ADAMTS14: variants seen among roughly 807,000 people sequenced by gnomAD.
ADAMTS14 encodes ADAM metallopeptidase with thrombospondin type 1 motif 14.
Under a neutral mutation model 128.6 loss-of-function variants are expected in ADAMTS14, and 100 were observed. The ratio of observed to expected loss-of-function variants is 0.78; its 90% CI spans 0.66 to 0.92. The LOEUF is 0.92. ADAMTS14 is among the 40% of genes least tolerant of loss of function. The probability of loss-of-function intolerance (pLI) is 0.00; values close to 1 mark genes in which losing one functional copy is unlikely to be tolerated. For missense variants in ADAMTS14, 1,562 were observed against 1,658.6 expected (o/e 0.94, Z 1.01); for synonymous variants, 665 against 653.8 (o/e 1.02, Z -0.26).
At chr10:70,687,749 T>C (rs1214109664) in intron 2 of ADAMTS14, among the ~76,000 whole-genome samples, 5 of 8,666 alleles carry the variant, frequency 5.8e-4, no homozygotes, top group Non-Finnish European at 8.3e-4. Flanking sequence ...GACCCCCCCA[T>C]CTCCCTCCCG....
In ADAMTS14 at chr10:70,760,727, C is replaced by T. The variant is rs748305950; in HGVS notation, c.3546C>T (p.Thr1182=). The change falls in exon 22 of 22, where the codon ACC becomes ACT. Residue 1182 remains threonine, a synonymous_variant. Coordinates refer to ENST00000373207, the MANE Select transcript of ADAMTS14 (RefSeq NM_080722.4). ...IPGASWSISP[T]TPGGLPWGWT... is the part of the protein sequence containing the mutation. ...GAGCATCCTGGAGCATCTCCCCTAC[C>T]ACCCCCGGGGGGCTGCCTTGGGGCT... is the stretch of plus-strand genomic sequence containing the variant. 4 of 1,613,954 alleles carry T rather than the reference C, an allele frequency of 2.5e-6. No homozygotes were observed. In the African/African-American group the frequency reaches 5.3e-5, roughly 22 times the overall value.
intron 11 of ADAMTS14, among the ~76,000 whole-genome samples, chr10:70,740,329 C>T (rs1200426077): frequency 6.6e-6 from 1 of 152,222 alleles, no homozygotes. Context: ...ACCCAATCCT[C>T]TTGACTTAAT....
chr10:70,720,842 G>A (rs1841234301), intron 4 of ADAMTS14, among the ~76,000 whole-genome samples: 1 of 152,068 alleles, frequency 6.6e-6, no homozygotes, highest in African/African-American at 2.4e-5. Flanking sequence ...AATTAGATGT[G>A]TGCACACAGA....
At position 70,743,650 on chromosome 10, in the gene ADAMTS14, C is replaced by T; in HGVS notation, c.2027C>T (p.Pro676Leu). The T allele has an allele frequency of 6.2e-7, 1 of 1,608,548 alleles. No individual in the cohort carries two copies. Among genetic ancestry groups the T allele is most frequent in the Non-Finnish European group, 8.5e-7 (1 of 1,177,646 alleles). The stretch of plus-strand genomic sequence containing the variant: ...GGGACACGCTGCAGCTACCGGGACC[C>T]ATACAGCGTCTGTGCGCGTGGCGAG... Reference protein sequence around the residue: ...HDGTRCSYRDPYSVCARGECV... With the variant: ...HDGTRCSYRDLYSVCARGECV... The change falls in exon 13 of 22, where the codon CCA (proline) becomes CTA (leucine). Residue 676 changes from proline (P) to leucine (L), a missense_variant. Transcript: ENST00000373207.
At chr10:70,679,470 C>A (rs969237508) in intron 2 of ADAMTS14, among the ~76,000 whole-genome samples, 1 of 152,162 alleles carries the variant, frequency 6.6e-6, no homozygotes, top group Non-Finnish European at 1.5e-5. Context: ...GGGATCAGTT[C>A]TTTGCGGATC....
intron 12 of ADAMTS14, among the ~76,000 whole-genome samples, chr10:70,741,418 G>T (rs1726545961): frequency 6.6e-6 from 1 of 152,248 alleles, no homozygotes; most frequent in Non-Finnish European, 1.5e-5. Context: ...TCTGGCAGAT[G>T]CAAGGAAAGT....
chr10:70,747,509 A>G (rs540157620), intron 15 of ADAMTS14, among the ~76,000 whole-genome samples: 6 of 152,216 alleles, frequency 3.9e-5, no homozygotes, highest in Non-Finnish European at 8.8e-5. Context: ...GAGAAGGGAC[A>G]TCTATTCCAA....
At chr10:70,759,129 T>TTTTTTTTTTTTTTTTTTTTTTTTTGGG (rs1485675752) in intron 21 of ADAMTS14, among the ~76,000 whole-genome samples, 1 of 112,610 alleles carries the variant, frequency 8.9e-6, no homozygotes, top group Admixed American at 1.0e-4. Context: ...TCCAATCTTC[T>TTTTTTTTTTTTTTTTTTTTTTTTTGGG]ACTTCTCTGC....
At chr10:70,753,207 C>G (rs757284992) in intron 18 of ADAMTS14, among the ~76,000 whole-genome samples, 1 of 152,198 alleles carries the variant, frequency 6.6e-6, no homozygotes, top group Non-Finnish European at 1.5e-5. Context: ...AGAGCAGTTT[C>G]GTTTCCTCTA....
At position 70,738,891 on chromosome 10, in the gene ADAMTS14, G is replaced by T; in HGVS notation, c.1649G>T (p.Gly550Val). 6.2e-7 allele frequency: 1 copy of T among 1,614,140 alleles called. No homozygotes were observed. Residue 550 changes from glycine (G) to valine (V), a missense_variant, in exon 11 of 22, where the codon GGC (glycine) becomes GTC (valine). Physicochemically the swap from Gly to Val is moderately radical, Grantham distance 109. Transcript: ENST00000373207. The stretch of plus-strand genomic sequence containing the variant: ...TGGAAGTCGCCGGAGCAGACATATG[G>T]CCAGGATGGAGGCTGGAGCTCCTGG... ...CIWKSPEQTY[G>V]QDGGWSSWTK...
Position 70,730,091 on chromosome 10 carries a change from G to A in ADAMTS14, c.955-11G>A, listed in dbSNP as rs200135496. 97 of 1,584,186 alleles carry A rather than the reference G, an allele frequency of 6.1e-5. No individual in the cohort carries two copies. Among genetic ancestry groups the A allele is most frequent in the Middle Eastern group, 4.2e-4 (2 of 4,780 alleles). On this transcript the variant is annotated splice_polypyrimidine_tract_variant and intron_variant, in intron 5 of 21. Transcript: ENST00000373207. The stretch of plus-strand genomic sequence containing the variant: ...TCCACGTGGCTGTTGGTGCTCTCCC[G>A]GCCCCTGCAGTCCCTGAGCCTGATC...
rs907533546 is a variant in ADAMTS14, at chr10:70,752,377, G to C, written c.2729+150G>C. ...AACTTTCAGTGCTTCTGGGCTCCAG[G>C]CCCAGGCCAGGATGCTGACCTCTAC... On this transcript the variant is annotated intron_variant, in intron 18 of 21. Coordinates refer to ENST00000373207, the MANE Select transcript of ADAMTS14 (RefSeq NM_080722.4). 4.9e-6 allele frequency: 6 copies of C among 1,231,560 alleles called. No individual in the cohort carries two copies. The African/African-American group carries it at 9.2e-5, about 19-fold the overall frequency. The allele number at this position is 1,231,560 out of a possible 1,614,324, so 76.3% of individuals were successfully genotyped here.
chr10:70,725,583 G>A (rs927575790), intron 4 of ADAMTS14, among the ~76,000 whole-genome samples: 5 of 152,200 alleles, frequency 3.3e-5, no homozygotes, highest in Non-Finnish European at 5.9e-5. Context: ...GGTAGAAGGA[G>A]TGAGGGGGTC....
Position 70,760,290 on chromosome 10 carries a change from GA to G in ADAMTS14, c.3179-69del, listed in dbSNP as rs376114378. On this transcript the variant is annotated intron_variant, in intron 21 of 21. Coordinates refer to ENST00000373207, the MANE Select transcript of ADAMTS14 (RefSeq NM_080722.4). ...GGGCGGGCAGTCAGTGGGTAAGTGGGAGGGGGGGCCACCTGACTGACAGGCA... is the reference window on the plus strand; with the variant it reads ...GGGCGGGCAGTCAGTGGGTAAGTGGGGGGGGGGCCACCTGACTGACAGGCA... The G allele has an allele frequency of 2.0e-4, 303 of 1,499,812 alleles. No individual in the cohort carries two copies. The African/African-American group carries it at 3.1e-3, about 15-fold the overall frequency. 92.9% of individuals were successfully genotyped at this position (1,499,812 alleles called of 1,614,324 possible).
In ADAMTS14 at chr10:70,722,486, G is replaced by A. The variant is rs527825978; in HGVS notation, c.871-6808G>A. On this transcript the variant is annotated intron_variant, in intron 4 of 21. Coordinates refer to ENST00000373207, the MANE Select transcript of ADAMTS14 (RefSeq NM_080722.4). ...GACAATGACTGCTGTCCTCAGGCAA[G>A]CTTCCGTATACCTTTGGGCCTGCCT... 5.3e-5 allele frequency among the ~76,000 whole-genome samples: 8 copies of A among 152,288 alleles called. No homozygotes were observed. The East Asian group carries it at 1.4e-3, about 26-fold the overall frequency.
chr10:70,712,252 A>C (rs934046035), intron 4 of ADAMTS14, among the ~76,000 whole-genome samples: 1 of 152,144 alleles, frequency 6.6e-6, no homozygotes, highest in African/African-American at 2.4e-5. Context: ...GAGGAAGGGC[A>C]GGAAAGGGGA....
rs747640034 is a variant in ADAMTS14 at position 70,749,951 on chromosome 10, C to G, written c.2393C>G (p.Thr798Ser). Residue 798 changes from threonine to serine, a missense_variant, in exon 16 of 22, where the codon ACC becomes AGC. Coordinates refer to ENST00000373207, the MANE Select transcript of ADAMTS14 (RefSeq NM_080722.4). ...GAGGATGCCAAGGAAAGCCTCAAGA[C>G]CAGCGGGCCCCTGCCTGAAGCCATT... is the stretch of plus-strand genomic sequence containing the variant. ...AVEDAKESLKTSGPLPEAIAI... is the reference protein window; with the variant it reads ...AVEDAKESLKSSGPLPEAIAI... 6.2e-7 allele frequency: 1 copy of G among 1,614,138 alleles called. No homozygotes were observed. The highest frequency in any genetic ancestry group is 8.5e-7 in the Non-Finnish European group (1 of 1,180,034).
chr10:70,736,868 C>A, intron 10 of ADAMTS14, 75 bp downstream of exon 10: 1 of 1,360,614 alleles, frequency 7.3e-7, no homozygotes, highest in East Asian at 2.3e-5. Context: ...GGGTGGATCC[C>A]AGAGTGAACC....
At chr10:70,746,322 G>A (rs1039228294) in intron 15 of ADAMTS14, among the ~76,000 whole-genome samples, 5 of 152,124 alleles carry the variant, frequency 3.3e-5, no homozygotes, top group Admixed American at 1.3e-4. Flanking sequence ...GTTTTGTTTC[G>A]TTTTTGCTGA....
Sources: gnomAD v4.1 joint callset for allele counts (sites outside exome capture counted in the v4.1 genomes callset) on GRCh38, gnomAD v4.1.1 for gene constraint, MANE v1.5 for transcripts, NCBI Gene and HGNC (gene_info 2026-07-23, HGNC 2026-07-21) for gene names.